TRNT1: variants seen among roughly 807,000 people sequenced by gnomAD.
TRNT1 encodes CCA tRNA nucleotidyltransferase 1, mitochondrial.
A neutral mutation model predicts 45.6 loss-of-function variants in TRNT1; 44 were observed. The observed-to-expected ratio is 0.97, with a 90% CI of 0.76 to 1.24. The LOEUF is 1.24. TRNT1 is among the 50% of genes most tolerant of loss of function. TRNT1 has a pLI of 0.00. For synonymous variants in TRNT1, 201 were observed against 171.4 expected (o/e 1.17, Z -1.35); for missense variants, 633 against 504.4 (o/e 1.25, Z -2.44).
chr3:3,129,968 C>T (rs1274884321), intron 2 of TRNT1: 3 of 1,550,352 alleles, frequency 1.9e-6, no homozygotes, highest in African/African-American at 2.7e-5. Flanking sequence ...TAGGAGTTGC[C>T]TCCATTGTGC....
At chr3:3,135,172 ACAGC>A (rs750326774) in intron 2 of TRNT1, among the ~76,000 whole-genome samples, 22 of 152,202 alleles carry the variant, frequency 1.4e-4, no homozygotes, top group Admixed American at 7.2e-4. Flanking sequence ...AAGAAGTGTG[ACAGC>A]CAGCCACTGA....
chr3:3,127,070 G>C (rs548904578), intron 1 of TRNT1, 80 bp downstream of exon 1: 1 of 152,446 alleles, frequency 6.6e-6, no homozygotes, highest in African/African-American at 2.4e-5. Flanking sequence ...TGGGCCAGAG[G>C]CGCCACCGCG....
downstream of TRNT1, chr3:3,149,472 G>GACAT (rs1374308195): frequency 6.6e-6 from 1 of 151,992 alleles, no homozygotes; most frequent in African/African-American, 2.4e-5. Flanking sequence ...AACGGTATGG[G>GACAT]ACATACTGAA....
downstream of TRNT1, among the ~76,000 whole-genome samples, chr3:3,152,077 A>C (rs1359013213): frequency 6.6e-6 from 1 of 152,098 alleles, no homozygotes; most frequent in African/African-American, 2.4e-5. Flanking sequence ...TCTTCCTTTC[A>C]TTCAATGATA....
intron 4 of TRNT1, among the ~76,000 whole-genome samples, chr3:3,143,396 ATT>A (rs1414111855): frequency 6.6e-6 from 1 of 152,210 alleles, no homozygotes; most frequent in Non-Finnish European, 1.5e-5. Context: ...ATATGAGAAC[ATT>A]TGTTTATTAC....
In TRNT1 at chr3:3,148,451, C is replaced by T; in HGVS notation, c.*297C>T. The T allele has an allele frequency of 4.4e-6, 1 of 225,142 alleles. No homozygotes were observed. The highest frequency in any genetic ancestry group is 8.8e-6 in the Non-Finnish European group (1 of 113,224). 13.9% of individuals were successfully genotyped at this position (225,142 alleles called of 1,614,324 possible). A position where few individuals can be genotyped will look rare whatever the true frequency, so the allele number is the denominator to read the frequency against. ...AGGCTTTTAAAAAAAACTGTTTTTG[C>T]ATAGGGTAGTACTAAGATCTTAAAA... is the stretch of plus-strand genomic sequence containing the variant. On this transcript the variant is annotated 3_prime_UTR_variant, in exon 8 of 8. Coordinates refer to ENST00000251607, the MANE Select transcript of TRNT1 (RefSeq NM_182916.3).
chr3:3,137,140 C>G (rs1334528998), intron 2 of TRNT1, 120 bp from the exon 3 acceptor site: 23 of 742,336 alleles, frequency 3.1e-5, no homozygotes, highest in East Asian at 3.0e-5. Flanking sequence ...TATGAAAAGC[C>G]TCAGTTAAAT....
At position 3,148,954 on chromosome 3, in the gene TRNT1, A is replaced by ATTAT. The variant is rs1410305394; in HGVS notation, c.*802_*805dup. 1.0e-5 allele frequency: 1 copy of ATTAT among 97,818 alleles called. No homozygotes were observed. Among genetic ancestry groups the ATTAT allele is most frequent in the Non-Finnish European group, 2.7e-5 (1 of 37,220 alleles). The allele number at this position is 97,818 out of a possible 1,614,324, so 6.1% of individuals were successfully genotyped here. On this transcript the variant is annotated 3_prime_UTR_variant, in exon 8 of 8. Transcript: ENST00000251607. Reference sequence around the variant, plus strand: ...TTTTATTAATTAAAAGGATATGGCTATTATTATATATTCTCTAAAGATTTG... The same window carrying ATTAT: ...TTTTATTAATTAAAAGGATATGGCTATTATTTATTATATATTCTCTAAAGATTTG...
At chr3:3,142,130 A>G (rs1053311054) in intron 4 of TRNT1, among the ~76,000 whole-genome samples, 1 of 152,016 alleles carries the variant, frequency 6.6e-6, no homozygotes, top group African/African-American at 2.4e-5. Context: ...ATTTATTCTC[A>G]TATTTACTCA....
rs1333696596 is a variant in TRNT1 at position 3,148,952 on chromosome 3, CTAT to C, written c.*805_*807del. 8.7e-6 allele frequency: 1 copy of C among 114,656 alleles called. No homozygotes were observed. Among genetic ancestry groups the C allele is most frequent in the Non-Finnish European group, 1.9e-5 (1 of 52,532 alleles). 7.1% of individuals were successfully genotyped at this position (114,656 alleles called of 1,614,324 possible). ...TATTTTATTAATTAAAAGGATATGGCTATTATTATATATTCTCTAAAGATTTGA... is the reference window on the plus strand; with the variant it reads ...TATTTTATTAATTAAAAGGATATGGCTATTATATATTCTCTAAAGATTTGA... On this transcript the variant is annotated 3_prime_UTR_variant, in exon 8 of 8. Coordinates refer to ENST00000251607, the MANE Select transcript of TRNT1 (RefSeq NM_182916.3).
chr3:3,139,175 T>C (rs1294422896), intron 3 of TRNT1, among the ~76,000 whole-genome samples: 1 of 152,216 alleles, frequency 6.6e-6, no homozygotes, highest in Non-Finnish European at 1.5e-5. Flanking sequence ...TGAACCTTTC[T>C]AGAGAATCAG....
At chr3:3,131,304 A>G (rs1192713546) in intron 2 of TRNT1, 1 of 152,064 alleles carries the variant, frequency 6.6e-6, no homozygotes, top group African/African-American at 2.4e-5. Flanking sequence ...CAATTTTTCA[A>G]CTTCAATTGC....
At chr3:3,152,251 C>G (rs943367615), downstream of TRNT1, among the ~76,000 whole-genome samples, 2 of 151,342 alleles carry the variant, frequency 1.3e-5, no homozygotes, top group African/African-American at 4.9e-5. Flanking sequence ...CTTCCAGGTT[C>G]AAGAGATTCT....
At chr3:3,129,954 GA>G in intron 2 of TRNT1, 4 of 1,550,556 alleles carry the variant, frequency 2.6e-6, no homozygotes, top group Non-Finnish European at 3.5e-6. Flanking sequence ...AAGGAAGAAG[GA>G]AATAGGAGTT....
intron 4 of TRNT1, among the ~76,000 whole-genome samples, chr3:3,142,949 T>C (rs1020201275): frequency 1.3e-5 from 2 of 152,252 alleles, no homozygotes; most frequent in Non-Finnish European, 2.9e-5. Flanking sequence ...TTACTATGCA[T>C]ATAAAACTAT....
downstream of TRNT1, chr3:3,153,421 T>G: frequency 6.8e-7 from 1 of 1,463,468 alleles, no homozygotes; most frequent in South Asian, 1.1e-5. Context: ...ATAAAGACCT[T>G]ACCTGAATAT....
chr3:3,127,996 G>C (rs1704708247), intron 1 of TRNT1: 1 of 152,238 alleles, frequency 6.6e-6, no homozygotes, highest in Non-Finnish European at 1.5e-5. Flanking sequence ...GAATTACAGA[G>C]CTTTCCAGAG....
Position 3,141,245 on chromosome 3 carries a change from CTCAG to C in TRNT1, c.481+603_481+606del, listed in dbSNP as rs147673549. The stretch of plus-strand genomic sequence containing the variant: ...GAACAGTGCCTGACACATGTACACA[CTCAG>C]TCAGTGCTAACTTCTTAACTGCATA... On this transcript the variant is annotated intron_variant, in intron 4 of 7. Coordinates refer to ENST00000251607, the MANE Select transcript of TRNT1 (RefSeq NM_182916.3). 2.5e-4 allele frequency among the ~76,000 whole-genome samples: 38 copies of C among 152,276 alleles called. No individual in the cohort carries two copies. In the East Asian group the frequency reaches 4.6e-3, roughly 19 times the overall value.
downstream of TRNT1, chr3:3,152,379 C>T (rs1213815268): frequency 2.1e-6 from 3 of 1,441,856 alleles, no homozygotes; most frequent in African/African-American, 2.9e-5. Context: ...TGTGGCAACT[C>T]TGCTTAGGAC....
Sources: allele counts gnomAD v4.1 joint callset (sites outside exome capture counted in the v4.1 genomes callset), GRCh38; gene constraint gnomAD v4.1.1; transcripts MANE v1.5; gene names NCBI Gene and HGNC (gene_info 2026-07-23, HGNC 2026-07-21).